Variants in CTNNA2 observed in about 807,000 individuals in gnomAD.
CTNNA2 encodes catenin alpha-2.
A neutral mutation model predicts 101.0 loss-of-function variants in CTNNA2; 42 were observed. The observed-to-expected ratio is 0.42, with a 90% CI of 0.32 to 0.54. The LOEUF is 0.54. Ranked by LOEUF, CTNNA2 falls within the 20% of genes least tolerant of loss-of-function variation. The pLI, the probability that CTNNA2 is intolerant of heterozygous loss-of-function variation, is 0.14. For synonymous variants in CTNNA2, 450 were observed against 456.4 expected (o/e 0.99, Z 0.18); for missense variants, 871 against 1,223.1 (o/e 0.71, Z 4.29).
intron 2 of CTNNA2, among the ~76,000 whole-genome samples, chr2:79,291,124 G>A (rs1481463009): frequency 2.0e-5 from 3 of 152,160 alleles, no homozygotes; most frequent in African/African-American, 4.8e-5. Context: ...CTGTGAGGGG[G>A]ATAAGGGAAC....
intron 8 of CTNNA2, among the ~76,000 whole-genome samples, chr2:80,403,670 G>C (rs1002053894): frequency 6.6e-5 from 10 of 152,264 alleles, no homozygotes; most frequent in Admixed American, 6.5e-4. Flanking sequence ...TCAAGAAACT[G>C]TGCCCAGAAC....
chr2:80,554,558 G>C (rs997425617), intron 11 of CTNNA2, among the ~76,000 whole-genome samples: 1 of 152,096 alleles, frequency 6.6e-6, no homozygotes, highest in African/African-American at 2.4e-5. Context: ...AACCTTGATA[G>C]GAAGAGGATA....
At chr2:80,456,489 G>A (rs1312948593) in intron 9 of CTNNA2, among the ~76,000 whole-genome samples, 1 of 152,146 alleles carries the variant, frequency 6.6e-6, no homozygotes. Context: ...CCAGAGCAAG[G>A]CCACTTTGCA....
chr2:79,401,597 G>T (rs1436052194), intron 4 of CTNNA2, among the ~76,000 whole-genome samples: 2 of 151,178 alleles, frequency 1.3e-5, no homozygotes, highest in African/African-American at 4.8e-5. Context: ...CTAAGAAACA[G>T]TTCAAGAACA....
rs1012560142 is a variant in CTNNA2 at position 79,869,863 on chromosome 2, C to T, written c.513C>T (p.Asp171=). The T allele has an allele frequency of 4.3e-6, 7 of 1,614,006 alleles. No individual in the cohort carries two copies. The highest frequency in any genetic ancestry group is 5.9e-6 in the Non-Finnish European group (7 of 1,179,978). Residue 171 remains aspartate (D), a synonymous_variant, in exon 5 of 19, where the codon GAC becomes GAT. Coordinates refer to ENST00000402739, the MANE Select transcript of CTNNA2 (RefSeq NM_001282597.3). The part of the protein sequence containing the change: ...EAVKNATNEQ[D]LANRFKEFGK... ...TCAAAAATGCTACAAATGAGCAAGACCTTGCAAACCGTTTTAAAGAGTTTG... is the reference window on the plus strand; with the variant it reads ...TCAAAAATGCTACAAATGAGCAAGATCTTGCAAACCGTTTTAAAGAGTTTG...
chr2:80,084,094 C>A (rs1699308366), intron 7 of CTNNA2, among the ~76,000 whole-genome samples: 1 of 152,078 alleles, frequency 6.6e-6, no homozygotes, highest in South Asian at 2.1e-4. Flanking sequence ...CTTAGGTAGA[C>A]CTGCATTACC....
Position 80,004,504 on chromosome 2 carries a change from G to A in CTNNA2, c.1056+94707G>A, listed in dbSNP as rs574588889. Among the ~76,000 whole-genome samples, 8 of 152,182 alleles carry A rather than the reference G, an allele frequency of 5.3e-5. No homozygotes were observed. The South Asian group carries it at 1.7e-3, about 32-fold the overall frequency. ...AATACCTGCTGAACACTCACTATGG[G>A]CCAGGCAGATGGGTCAATGCTTTAC... On this transcript the variant is annotated intron_variant, in intron 7 of 18. Coordinates refer to ENST00000402739, the MANE Select transcript of CTNNA2 (RefSeq NM_001282597.3).
At chr2:80,608,081 G>T in intron 16 of CTNNA2, 103 bp from the exon 17 acceptor site, 1 of 1,046,794 alleles carries the variant, frequency 9.6e-7, no homozygotes, top group Non-Finnish European at 1.4e-6. Flanking sequence ...ATGTAATTAA[G>T]GTATATGACA....
chr2:80,284,818 A>G (rs900144328), intron 7 of CTNNA2, among the ~76,000 whole-genome samples: 1 of 152,092 alleles, frequency 6.6e-6, no homozygotes, highest in Non-Finnish European at 1.5e-5. Context: ...TAAGATGATT[A>G]TGGTTGCATA....
At chr2:79,718,344 A>G (rs1008485251) in intron 2 of CTNNA2, among the ~76,000 whole-genome samples, 1 of 152,242 alleles carries the variant, frequency 6.6e-6, no homozygotes, top group African/African-American at 2.4e-5. Context: ...GAGACTTATA[A>G]TATGCTTAGC....
chr2:80,043,079 CTTTCTTTCTTTCTT>C (rs1383096759), intron 7 of CTNNA2, among the ~76,000 whole-genome samples: 20 of 34,528 alleles, frequency 5.8e-4, no homozygotes, highest in Non-Finnish European at 1.0e-3. Context: ...TTCTTTCTTT[CTTTCTTTCTTTCTT>C]TCTCTCTCTC....
chr2:79,641,798 A>G (rs1318895702), intron 1 of CTNNA2, among the ~76,000 whole-genome samples: 1 of 152,214 alleles, frequency 6.6e-6, no homozygotes, highest in Non-Finnish European at 1.5e-5. Flanking sequence ...ACAGATACTA[A>G]ATTTTATTTT....
At chr2:80,177,309 T>C (rs1047323597) in intron 7 of CTNNA2, among the ~76,000 whole-genome samples, 10 of 152,148 alleles carry the variant, frequency 6.6e-5, no homozygotes, top group South Asian at 2.1e-4. Flanking sequence ...GATAGGCAAA[T>C]CCATATCTGG....
chr2:79,291,446 C>T (rs1455848570), intron 2 of CTNNA2, among the ~76,000 whole-genome samples: 4 of 152,190 alleles, frequency 2.6e-5, no homozygotes, highest in Non-Finnish European at 5.9e-5. Flanking sequence ...GCCTATCCTG[C>T]TGAGGTATAA....
chr2:80,351,053 C>G (rs1052167053), intron 7 of CTNNA2, among the ~76,000 whole-genome samples: 3 of 152,162 alleles, frequency 2.0e-5, no homozygotes, highest in African/African-American at 7.2e-5. Context: ...TGAGCTCTAA[C>G]AGTCACTTAT....
At chr2:79,473,097 GA>G (rs1487828339) in intron 4 of CTNNA2, among the ~76,000 whole-genome samples, 1 of 152,038 alleles carries the variant, frequency 6.6e-6, no homozygotes, top group Non-Finnish European at 1.5e-5. Context: ...TTCTGTTCAT[GA>G]TTACTTTTGT....
intron 7 of CTNNA2, among the ~76,000 whole-genome samples, chr2:80,253,040 C>A (rs1027166039): frequency 3.9e-5 from 6 of 152,056 alleles, no homozygotes; most frequent in Non-Finnish European, 8.8e-5. Flanking sequence ...CTACTCCAGT[C>A]CTTCCTGCAT....
chr2:79,692,350 C>A (rs1258823071), intron 2 of CTNNA2, among the ~76,000 whole-genome samples: 3 of 152,000 alleles, frequency 2.0e-5, no homozygotes, highest in African/African-American at 7.2e-5. Context: ...GAATGGTGAT[C>A]ATTAAAAAGT....
chr2:80,009,108 C>T lies in CTNNA2; in HGVS notation c.1056+99311C>T, dbSNP rs543147417. On this transcript the variant is annotated intron_variant, in intron 7 of 18. Transcript: ENST00000402739. ...TGACATGGTGTTAGAATTCAGAGGA[C>T]AGAATGAAAGGCAGGGAACATCCCA... Among the ~76,000 whole-genome samples, 7 of 152,254 alleles carry T rather than the reference C, an allele frequency of 4.6e-5. No individual in the cohort carries two copies. The South Asian group carries it at 1.5e-3, about 32-fold the overall frequency.
Sources: allele counts gnomAD v4.1 joint callset (sites outside exome capture counted in the v4.1 genomes callset), GRCh38; gene constraint gnomAD v4.1.1; transcripts MANE v1.5; gene names NCBI Gene and HGNC (gene_info 2026-07-23, HGNC 2026-07-21).